ACTN1: variants seen among roughly 807,000 people sequenced by gnomAD.
The protein encoded by ACTN1 is alpha-actinin-1.
Under a neutral mutation model 119.6 loss-of-function variants are expected in ACTN1, and 30 were observed. The observed-to-expected ratio is 0.25, with a 90% CI of 0.19 to 0.34. ACTN1 has a LOEUF of 0.34. Ranked by LOEUF, ACTN1 falls within the 10% of genes least tolerant of loss-of-function variation. The pLI is 1.00. For synonymous variants in ACTN1, 429 were observed against 472.6 expected (o/e 0.91, Z 1.20); for missense variants, 764 against 1,223.4 (o/e 0.62, Z 5.60).
intron 1 of ACTN1, among the ~76,000 whole-genome samples, chr14:68,962,396 G>A (rs772527250): frequency 7.2e-5 from 11 of 152,160 alleles, no homozygotes; most frequent in Non-Finnish European, 1.5e-4. Flanking sequence ...ATGGCAACGG[G>A]CCAGCACCTC....
At chr14:68,922,649 G>C (rs2034712289) in intron 2 of ACTN1, among the ~76,000 whole-genome samples, 1 of 152,160 alleles carries the variant, frequency 6.6e-6, no homozygotes, top group South Asian at 2.1e-4. Flanking sequence ...CAGTGGAGGA[G>C]GCAAGGGTTA....
chr14:68,966,208 C>T (rs1438135376), intron 1 of ACTN1, among the ~76,000 whole-genome samples: 1 of 152,032 alleles, frequency 6.6e-6, no homozygotes, highest in Non-Finnish European at 1.5e-5. Flanking sequence ...CAGAGCGAGA[C>T]CCTGTCTCAA....
At chr14:68,963,582 T>G (rs141707705) in intron 1 of ACTN1, among the ~76,000 whole-genome samples, 1 of 152,222 alleles carries the variant, frequency 6.6e-6, no homozygotes, top group Non-Finnish European at 1.5e-5. Context: ...CTTCAGAAAC[T>G]TTCCTCCCAC....
At chr14:68,936,931 C>T (rs770191708) in intron 1 of ACTN1, 2 of 526,460 alleles carry the variant, frequency 3.8e-6, no homozygotes, top group Non-Finnish European at 7.5e-6. Flanking sequence ...AGGGACTCCT[C>T]CCCTGTCCTC....
At chr14:68,939,854 T>C (rs972144413) in intron 1 of ACTN1, among the ~76,000 whole-genome samples, 2 of 152,228 alleles carry the variant, frequency 1.3e-5, no homozygotes, top group Admixed American at 6.5e-5. Flanking sequence ...AAGCCTTTTA[T>C]ATCAAGACGT....
intron 1 of ACTN1, among the ~76,000 whole-genome samples, chr14:68,927,148 C>G (rs964153749): frequency 4.6e-5 from 7 of 151,502 alleles, no homozygotes; most frequent in African/African-American, 1.7e-4. Flanking sequence ...GCACACAGAT[C>G]AGGGTAGATA....
At chr14:68,916,495 G>A (rs992044045) in intron 3 of ACTN1, among the ~76,000 whole-genome samples, 7 of 152,212 alleles carry the variant, frequency 4.6e-5, no homozygotes, top group Admixed American at 2.0e-4. Context: ...CCAAGCACGA[G>A]CATAGAGAGT....
At chr14:68,957,193 C>T (rs991508570) in intron 1 of ACTN1, among the ~76,000 whole-genome samples, 1 of 152,196 alleles carries the variant, frequency 6.6e-6, no homozygotes, top group African/African-American at 2.4e-5. Flanking sequence ...CTAAGAACAT[C>T]GAGCATCTAT....
chr14:68,961,953 G>C (rs1280353649), intron 1 of ACTN1, among the ~76,000 whole-genome samples: 2 of 152,110 alleles, frequency 1.3e-5, no homozygotes, highest in African/African-American at 4.8e-5. Context: ...TCCTTCACAA[G>C]ACACCCTGAA....
chr14:68,937,759 G>C (rs2035593136), intron 1 of ACTN1, among the ~76,000 whole-genome samples: 1 of 152,218 alleles, frequency 6.6e-6, no homozygotes, highest in South Asian at 2.1e-4. Context: ...GAGCACCCAG[G>C]ACTCTGGTCT....
intron 1 of ACTN1, chr14:68,947,582 G>A (rs2035983627): frequency 6.6e-6 from 1 of 152,302 alleles, no homozygotes; most frequent in Non-Finnish European, 1.5e-5. Flanking sequence ...GTCTCTGCAA[G>A]GTGAAGTCTT....
chr14:68,972,868 G>GCA (rs2036933576), intron 1 of ACTN1, among the ~76,000 whole-genome samples: 1 of 152,246 alleles, frequency 6.6e-6, no homozygotes, highest in Non-Finnish European at 1.5e-5. Context: ...ATGTGCTCAT[G>GCA]CATGTAGAGT....
At position 68,890,197 on chromosome 14, in the gene ACTN1, C is replaced by T. The variant is rs1566603319; in HGVS notation, c.1176G>A (p.Leu392=). Residue 392 remains leucine (L), a synonymous_variant, in exon 11 of 22, where the codon CTG becomes CTA. Transcript: ENST00000394419. ...GCCGGAACTTCTCTGCCAGGTGGTC[C>T]AGTCGCTCCAGCCTCCGGATCTCAT... is the stretch of plus-strand genomic sequence containing the variant. ...LLNEIRRLER[L]DHLAEKFRQK... 5 of 1,614,080 alleles carry T rather than the reference C, an allele frequency of 3.1e-6. 1 individual carries two copies. In the Admixed American group the frequency reaches 6.7e-5, roughly 22 times the overall value.
chr14:68,950,251 G>A (rs1484004487), intron 1 of ACTN1, among the ~76,000 whole-genome samples: 1 of 144,302 alleles, frequency 6.9e-6, no homozygotes, highest in Non-Finnish European at 1.5e-5. Flanking sequence ...CTGAGATTGT[G>A]CCACTGTACT....
Position 68,877,359 on chromosome 14 carries a change from C to T in ACTN1, c.2428-119G>A, listed in dbSNP as rs1356018351. 1.2e-5 allele frequency: 15 copies of T among 1,247,172 alleles called. No homozygotes were observed. The East Asian group carries it at 1.5e-4, about 12-fold the overall frequency. 77.3% of individuals were successfully genotyped at this position (1,247,172 alleles called of 1,614,324 possible). A position where few individuals can be genotyped will look rare whatever the true frequency, so the allele number is the denominator to read the frequency against. The stretch of plus-strand genomic sequence containing the variant: ...TGGCTGGAAGAGAAGGGCACATCCC[C>T]CTGACCTAACCTGGGTTGTCCTAAG... On this transcript the variant is annotated intron_variant, in intron 20 of 21. Coordinates refer to ENST00000394419, the MANE Select transcript of ACTN1 (RefSeq NM_001130004.2).
At chr14:68,915,375 C>A (rs922433834) in intron 3 of ACTN1, among the ~76,000 whole-genome samples, 1 of 152,176 alleles carries the variant, frequency 6.6e-6, no homozygotes, top group Non-Finnish European at 1.5e-5. Context: ...TTCACTCACA[C>A]GTCCCCTTCT....
At chr14:68,960,189 G>A (rs1424002255) in intron 1 of ACTN1, among the ~76,000 whole-genome samples, 1 of 152,162 alleles carries the variant, frequency 6.6e-6, no homozygotes, top group Non-Finnish European at 1.5e-5. Context: ...AGGTGGAGGA[G>A]GAGGAAGGGG....
At chr14:68,888,095 G>A (rs972597085) in intron 11 of ACTN1, 1 of 667,424 alleles carries the variant, frequency 1.5e-6, no homozygotes, top group African/African-American at 1.8e-5. Context: ...CCTGGCGGCA[G>A]GGAGGGCGCG....
At chr14:68,913,651 G>A (rs1443045048) in intron 3 of ACTN1, among the ~76,000 whole-genome samples, 1 of 146,748 alleles carries the variant, frequency 6.8e-6, no homozygotes, top group Non-Finnish European at 1.5e-5. Context: ...CCACCTCCCA[G>A]GGGAGCGGGT....
Sources: gnomAD v4.1 joint callset for allele counts (sites outside exome capture counted in the v4.1 genomes callset) on GRCh38, gnomAD v4.1.1 for gene constraint, MANE v1.5 for transcripts, NCBI Gene and HGNC (gene_info 2026-07-23, HGNC 2026-07-21) for gene names.